The following AASDH variants were observed in gnomAD, a reference collection of about 807,000 sequenced individuals.
The protein encoded by AASDH is beta-alanine-activating enzyme.
Under a neutral mutation model 102.3 loss-of-function variants are expected in AASDH, and 81 were observed. That is an observed-to-expected ratio of 0.79 (90% CI 0.66 to 0.95). The LOEUF (loss-of-function observed/expected upper bound fraction) is 0.95, where lower values mean the gene tolerates loss of function less well. Among genes scored for constraint, AASDH ranks in the 40% least tolerant of loss-of-function variants. The pLI, the probability that AASDH is intolerant of heterozygous loss-of-function variation, is 0.00. For synonymous variants in AASDH, 398 were observed against 454.0 expected (o/e 0.88, Z 1.57); for missense variants, 1,203 against 1,266.2 (o/e 0.95, Z 0.76).
rs539901984 is a variant in AASDH, at chr4:56,363,181, C to T, written c.862-7758G>A. 8.4e-4 allele frequency among the ~76,000 whole-genome samples: 128 copies of T among 152,302 alleles called. 1 individual carries two copies. The highest frequency in any genetic ancestry group is 4.0e-4 in the Non-Finnish European group (27 of 68,022). ...GGCGGCAGCGAGGCTGGGGGAGGGGCGCCCACCATCGCCGAGGCTTGAGTA... is the reference window on the plus strand; with the variant it reads ...GGCGGCAGCGAGGCTGGGGGAGGGGTGCCCACCATCGCCGAGGCTTGAGTA... On this transcript the variant is annotated intron_variant, in intron 5 of 14. Transcript: ENST00000205214.
At chr4:56,354,001 C>A in intron 8 of AASDH, 38 bp downstream of exon 8, 1 of 1,529,884 alleles carries the variant, frequency 6.5e-7, no homozygotes, top group Non-Finnish European at 8.8e-7. Context: ...CTACTACTTA[C>A]ATATATTAAT....
At chr4:56,345,474 T>C (rs1309307309) in intron 11 of AASDH, among the ~76,000 whole-genome samples, 184 bp from the exon 12 acceptor site, 2 of 152,228 alleles carry the variant, frequency 1.3e-5, no homozygotes, top group East Asian at 3.8e-4. Context: ...ATGTAAAATA[T>C]CTATTTAGTA....
At chr4:56,379,037 C>G (rs910497025) in intron 3 of AASDH, among the ~76,000 whole-genome samples, 9 of 152,130 alleles carry the variant, frequency 5.9e-5, no homozygotes, top group Middle Eastern at 3.4e-3. Flanking sequence ...GCACCTGCCA[C>G]CACGCCCGGC....
rs1467265095 is a variant in AASDH, at chr4:56,349,727, A to C, written c.2024T>G (p.Ile675Ser). The part of the protein sequence containing the change: ...AIMTFTCHNE[I>S]NAFVVLSRGS... ...TCTGCTCAGTACAACAAAAGCATTA[A>C]TCTCATTGTGGCAAGTGAAAGTCAT... Residue 675 changes from isoleucine (I) to serine (S), a missense_variant, in exon 11 of 15, where the codon ATT (isoleucine) becomes AGT (serine). Physicochemically the swap from Ile to Ser is moderately radical, Grantham distance 142. Transcript: ENST00000205214. 8 of 1,614,208 alleles carry C rather than the reference A, an allele frequency of 5.0e-6. No individual in the cohort carries two copies. The South Asian group carries it at 7.7e-5, about 16-fold the overall frequency.
At chr4:56,340,299 G>A (rs1747503822) in intron 14 of AASDH, among the ~76,000 whole-genome samples, 1 of 152,198 alleles carries the variant, frequency 6.6e-6, no homozygotes, top group African/African-American at 2.4e-5. Flanking sequence ...GGCTAATTTA[G>A]CCAAAATGGC....
chr4:56,340,222 A>C (rs1030613472), intron 14 of AASDH, among the ~76,000 whole-genome samples: 3 of 152,330 alleles, frequency 2.0e-5, no homozygotes, highest in African/African-American at 7.2e-5. Flanking sequence ...AAGACCCAGA[A>C]TAGCCAAAGC....
intron 5 of AASDH, among the ~76,000 whole-genome samples, chr4:56,358,325 G>GT (rs1405735217): frequency 6.6e-6 from 1 of 151,308 alleles, no homozygotes; most frequent in Non-Finnish European, 1.5e-5. Context: ...CCTGTCCAAT[G>GT]TAAGTATCTT....
chr4:56,340,195 T>C (rs1175508899), intron 14 of AASDH, among the ~76,000 whole-genome samples: 1 of 151,780 alleles, frequency 6.6e-6, no homozygotes, highest in Non-Finnish European at 1.5e-5. Context: ...GAAAATAAAA[T>C]TCATATGGAA....
In AASDH at chr4:56,338,371, C is replaced by CATT. The variant is rs1415726916; in HGVS notation, c.*28_*30dup. ...TGGTAAAATATTTTCAAATATCTCA[C>CATT]ATTTGTTATACAAATAAGGACTGTA... On this transcript the variant is annotated 3_prime_UTR_variant, in exon 15 of 15. Transcript: ENST00000205214. 6.3e-7 allele frequency: 1 copy of CATT among 1,583,512 alleles called. No individual in the cohort carries two copies. Among genetic ancestry groups the CATT allele is most frequent in the Admixed American group, 1.8e-5 (1 of 55,070 alleles).
At chr4:56,377,107 AACTTC>A (rs1169190509) in intron 4 of AASDH, among the ~76,000 whole-genome samples, 55 of 151,966 alleles carry the variant, frequency 3.6e-4, no homozygotes, top group African/African-American at 1.3e-3. Context: ...AAATAAAATT[AACTTC>A]ACTTGATTCT....
At chr4:56,382,268 C>T (rs1034482879) in intron 3 of AASDH, 11 of 446,136 alleles carry the variant, frequency 2.5e-5, no homozygotes, top group Admixed American at 4.4e-5. Flanking sequence ...TGAGGTCTAG[C>T]GAGTGGAGGT....
chr4:56,387,229 C>G (rs1387444061), intron 1 of AASDH, 133 bp downstream of exon 1: 1 of 152,260 alleles, frequency 6.6e-6, no homozygotes, highest in Non-Finnish European at 1.5e-5. Flanking sequence ...CGCCAGACCC[C>G]GATGTATCAA....
chr4:56,363,936 G>C (rs2109938923), intron 5 of AASDH, among the ~76,000 whole-genome samples: 1 of 152,270 alleles, frequency 6.6e-6, no homozygotes, highest in East Asian at 1.9e-4. Context: ...GCTAAAGGAG[G>C]AAGTTCGAAC....
chr4:56,372,941 A>G (rs755940548), intron 4 of AASDH, among the ~76,000 whole-genome samples: 4 of 152,160 alleles, frequency 2.6e-5, no homozygotes, highest in Non-Finnish European at 5.9e-5. Context: ...TGAGTAATAA[A>G]CTGAGTGGGA....
chr4:56,361,969 C>T (rs889714421), intron 5 of AASDH, among the ~76,000 whole-genome samples: 2 of 152,066 alleles, frequency 1.3e-5, no homozygotes, highest in African/African-American at 4.8e-5. Flanking sequence ...AAGACCCTGT[C>T]TCAAAACAAA....
rs1003027590 is a variant in AASDH at position 56,338,325 on chromosome 4, A to G, written c.*77T>C. ...AAAATATAATCTTCTTTAATATAAA[A>G]TAAGTCCACATGATGTATAATGGTA... On this transcript the variant is annotated 3_prime_UTR_variant, in exon 15 of 15. Transcript: ENST00000205214. 21 of 1,440,376 alleles carry G rather than the reference A, an allele frequency of 1.5e-5. No homozygotes were observed. The highest frequency in any genetic ancestry group is 2.2e-5 in the Admixed American group (1 of 44,594). The allele number at this position is 1,440,376 out of a possible 1,614,324, so 89.2% of individuals were successfully genotyped here.
intron 9 of AASDH, among the ~76,000 whole-genome samples, chr4:56,351,856 G>A (rs1749049088): frequency 6.7e-6 from 1 of 150,234 alleles, no homozygotes; most frequent in Non-Finnish European, 1.5e-5. Context: ...TGAGGCTGCA[G>A]TAGTGAGCCC....
Position 56,354,687 on chromosome 4 carries a change from C to T in AASDH, c.1210+18G>A. ...TTTTCTTGAAAAAAAAATTCCCAAT[C>T]AACAAATATAAAACAACCTAAAAAT... On this transcript the variant is annotated intron_variant, in intron 7 of 14. Coordinates refer to ENST00000205214, the MANE Select transcript of AASDH (RefSeq NM_181806.4). 6.4e-7 allele frequency: 1 copy of T among 1,555,970 alleles called. No individual in the cohort carries two copies. The highest frequency in any genetic ancestry group is 8.7e-7 in the Non-Finnish European group (1 of 1,150,002).
At position 56,349,284 on chromosome 4, in the gene AASDH, A is replaced by G; in HGVS notation, c.2467T>C (p.Cys823Arg). ...RIESSACVSK[C>R]GNFIVVGCYN... ...TTACCCACCACAATAAAGTTTCCAC[A>G]CTTAGATACACATGCTGAGGATTCA... Residue 823 changes from cysteine to arginine, a missense_variant, in exon 11 of 15, where the codon TGT (cysteine) becomes CGT (arginine). Coordinates refer to ENST00000205214, the MANE Select transcript of AASDH (RefSeq NM_181806.4). 18 of 1,614,144 alleles carry G rather than the reference A, an allele frequency of 1.1e-5. No homozygotes were observed. Among genetic ancestry groups the G allele is most frequent in the Non-Finnish European group, 1.4e-5 (17 of 1,180,042 alleles).
Sources: allele counts gnomAD v4.1 joint callset (sites outside exome capture counted in the v4.1 genomes callset), GRCh38; gene constraint gnomAD v4.1.1; transcripts MANE v1.5; gene names NCBI Gene and HGNC (gene_info 2026-07-23, HGNC 2026-07-21).